The following NAV2 variants were observed in gnomAD, a reference collection of about 807,000 sequenced individuals.
The protein encoded by NAV2 is neuron navigator 2, also known as helicase, APC down-regulated 1.
NAV2 carries 54 observed loss-of-function variants against 223.2 expected under a neutral mutation model. The observed-to-expected ratio is 0.24, with a 90% CI of 0.19 to 0.30. The LOEUF is 0.30. Ranked by LOEUF, NAV2 falls within the 10% of genes least tolerant of loss-of-function variation. The pLI is 1.00. For missense variants in NAV2, 2,806 were observed against 3,147.5 expected (o/e 0.89, Z 2.60); for synonymous variants, 1,279 against 1,239.3 (o/e 1.03, Z -0.67).
chr11:19,700,555 C>T (rs1477058429), intron 1 of NAV2, among the ~76,000 whole-genome samples: 2 of 152,088 alleles, frequency 1.3e-5, no homozygotes, highest in Admixed American at 6.5e-5. Context: ...AAAGAGCAAC[C>T]GAAACCCTGA....
chr11:19,834,809 G>A (rs1453546991), intron 2 of NAV2, among the ~76,000 whole-genome samples: 1 of 152,204 alleles, frequency 6.6e-6, no homozygotes, highest in African/African-American at 2.4e-5. Flanking sequence ...GGGATCAGCT[G>A]TGCTGCCTGT....
Position 19,895,030 on chromosome 11 carries a change from A to G in NAV2, c.931+2436A>G, listed in dbSNP as rs535722984. ...CAGGCGTGAGCCACTGTGCCCGGCT[A>G]TCATACTTATTTATTAAGTGCATAT... On this transcript the variant is annotated intron_variant, in intron 6 of 37. Transcript: ENST00000349880. Among the ~76,000 whole-genome samples the G allele has an allele frequency of 8.6e-5, 13 of 150,536 alleles. No homozygotes were observed. In the South Asian group the frequency reaches 2.7e-3, roughly 32 times the overall value.
At chr11:19,762,802 CG>C (rs2054871043) in intron 1 of NAV2, among the ~76,000 whole-genome samples, 2 of 151,790 alleles carry the variant, frequency 1.3e-5, no homozygotes, top group African/African-American at 4.8e-5. Flanking sequence ...TTAGTAGAGA[CG>C]GGGTTTCACC....
At chr11:19,963,946 T>G (rs1268780909) in intron 10 of NAV2, among the ~76,000 whole-genome samples, 2 of 152,084 alleles carry the variant, frequency 1.3e-5, no homozygotes, top group Non-Finnish European at 2.9e-5. Context: ...TCACCTATGG[T>G]TTCTAGACAT....
chr11:19,793,178 A>G (rs2057644855), intron 1 of NAV2, among the ~76,000 whole-genome samples: 1 of 143,820 alleles, frequency 7.0e-6, no homozygotes, highest in Non-Finnish European at 1.5e-5. Context: ...ATTGCACTCC[A>G]GCCTGGCGAT....
chr11:19,545,384 A>G (rs1425329626), intron 1 of NAV2, among the ~76,000 whole-genome samples: 1 of 152,122 alleles, frequency 6.6e-6, no homozygotes, highest in South Asian at 2.1e-4. Context: ...ATTTGTCTGC[A>G]TGTGGCCTCT....
chr11:19,415,618 A>G (rs905557000), intron 1 of NAV2, among the ~76,000 whole-genome samples: 2 of 152,220 alleles, frequency 1.3e-5, no homozygotes, highest in Non-Finnish European at 2.9e-5. Flanking sequence ...TCCTGATACC[A>G]AAACCTGGCA....
chr11:19,751,042 T>A (rs1325384676), intron 1 of NAV2, among the ~76,000 whole-genome samples: 1 of 152,196 alleles, frequency 6.6e-6, no homozygotes, highest in Non-Finnish European at 1.5e-5. Context: ...AATTTCACAT[T>A]CAGTGACATC....
intron 1 of NAV2, among the ~76,000 whole-genome samples, chr11:19,519,092 C>G (rs2043558669): frequency 6.6e-6 from 1 of 152,206 alleles, no homozygotes; most frequent in Non-Finnish European, 1.5e-5. Flanking sequence ...TTATAAGCCA[C>G]CCAGTCTATG....
intron 1 of NAV2, among the ~76,000 whole-genome samples, chr11:19,374,231 C>T (rs1354892969): frequency 2.0e-5 from 3 of 150,086 alleles, no homozygotes; most frequent in East Asian, 2.0e-4. Context: ...ACCCATACTT[C>T]TTTGTCAGCT....
intron 1 of NAV2, among the ~76,000 whole-genome samples, chr11:19,409,204 A>G (rs1158786953): frequency 6.6e-6 from 1 of 152,210 alleles, no homozygotes; most frequent in East Asian, 1.9e-4. Context: ...ATTTATTCTG[A>G]AAATGCAAAA....
chr11:19,579,900 AT>A (rs2045667637), intron 1 of NAV2, among the ~76,000 whole-genome samples: 1 of 152,228 alleles, frequency 6.6e-6, no homozygotes, highest in African/African-American at 2.4e-5. Flanking sequence ...GGAAAGTACT[AT>A]AAAACCCAGA....
In NAV2 at chr11:19,842,918, C is replaced by G. The variant is rs1305071256; in HGVS notation, c.433C>G (p.Gln145Glu). ...CAATGGCTGTCCGAAGAACAGATCC[C>G]AAATGGTAAGTGGTGCATAGGTAGT... Reference protein sequence around the residue: ...DINGCPKNRSQMIENIDACLN... With the variant: ...DINGCPKNRSEMIENIDACLN... The change falls in exon 3 of 38, where the codon CAA becomes GAA. Residue 145 changes from glutamine to glutamate, a missense_variant. This residue lies in a region of NAV2 where 1,167 missense variants were observed against 1,180.5 expected (regional missense o/e 0.99). Coordinates refer to ENST00000349880, the MANE Select transcript of NAV2 (RefSeq NM_145117.5). The G allele has an allele frequency of 2.5e-6, 4 of 1,613,616 alleles. No homozygotes were observed.
At chr11:20,014,999 G>A (rs1054998419) in intron 11 of NAV2, among the ~76,000 whole-genome samples, 2 of 152,230 alleles carry the variant, frequency 1.3e-5, no homozygotes, top group East Asian at 1.9e-4. Context: ...GGGAGGCTGA[G>A]GCGGGAGGAT....
At chr11:20,072,801 G>T (rs1247244890) in intron 22 of NAV2, among the ~76,000 whole-genome samples, 3 of 152,172 alleles carry the variant, frequency 2.0e-5, no homozygotes, top group African/African-American at 7.2e-5. Context: ...CTGAGATGTT[G>T]CTGAAGTTGC....
intron 10 of NAV2, among the ~76,000 whole-genome samples, chr11:19,974,193 G>A (rs1350241229): frequency 2.0e-5 from 3 of 152,166 alleles, no homozygotes; most frequent in Admixed American, 1.3e-4. Context: ...CAGTTCTTCC[G>A]CCCAGGTCTC....
Position 20,078,107 on chromosome 11 carries a change from A to G in NAV2, c.5179+3A>G. The G allele has an allele frequency of 6.2e-7, 1 of 1,607,158 alleles. No homozygotes were observed. On this transcript the variant is annotated splice_donor_region_variant and intron_variant, in intron 24 of 37. Coordinates refer to ENST00000349880, the MANE Select transcript of NAV2 (RefSeq NM_145117.5). The stretch of plus-strand genomic sequence containing the variant: ...CACACCTGAGCTCAACTGCAAAGGT[A>G]AAGTAAGGGAAACAGCCTTTAGCCA...
intron 6 of NAV2, among the ~76,000 whole-genome samples, chr11:19,914,796 G>A (rs540887938): frequency 4.0e-5 from 6 of 151,506 alleles, no homozygotes; most frequent in South Asian, 4.2e-4. Flanking sequence ...CACCCGCCTC[G>A]GCCTCCCAAA....
chr11:19,688,027 G>A (rs2049072036), intron 1 of NAV2, among the ~76,000 whole-genome samples: 1 of 152,128 alleles, frequency 6.6e-6, no homozygotes, highest in African/African-American at 2.4e-5. Flanking sequence ...TGCCTGCTAG[G>A]GGATCTGTCT....
Sources: allele counts gnomAD v4.1 joint callset (sites outside exome capture counted in the v4.1 genomes callset), GRCh38; gene constraint gnomAD v4.1.1; regional missense constraint gnomAD v4.1.1; transcripts MANE v1.5; gene names NCBI Gene and HGNC (gene_info 2026-07-23, HGNC 2026-07-21).